GTF2I: variants seen among roughly 807,000 people sequenced by gnomAD.
GTF2I encodes general transcription factor IIi.
In GTF2I, 12 loss-of-function variants were observed where a neutral mutation model predicts 67.6. The ratio of observed to expected loss-of-function variants is 0.18; its 90% CI spans 0.11 to 0.29. The LOEUF is 0.29. GTF2I is among the 10% of genes least tolerant of loss of function. The probability of loss-of-function intolerance (pLI) is 1.00; values close to 1 mark genes in which losing one functional copy is unlikely to be tolerated. For synonymous variants in GTF2I, 149 were observed against 197.0 expected (o/e 0.76, Z 2.04); for missense variants, 271 against 580.1 (o/e 0.47, Z 5.47).
chr7:74,691,828 G>A (rs1354642657), intron 3 of GTF2I, among the ~76,000 whole-genome samples: 1 of 151,694 alleles, frequency 6.6e-6, no homozygotes, highest in Non-Finnish European at 1.5e-5. Flanking sequence ...CTGGGCTGGA[G>A]TGCAATGGCA....
chr7:74,723,568 C>CTA (rs1331136579), intron 12 of GTF2I, among the ~76,000 whole-genome samples: 2 of 150,252 alleles, frequency 1.3e-5, no homozygotes, highest in Non-Finnish European at 3.0e-5. Context: ...GTAGCTGGAA[C>CTA]TACAGGCACA....
intron 6 of GTF2I, 21 bp downstream of exon 6, chr7:74,700,655 C>T (rs1554399653): frequency 6.2e-7 from 1 of 1,611,134 alleles, no homozygotes; most frequent in East Asian, 2.2e-5. Flanking sequence ...GCTTTGCTTC[C>T]TTGATAGCTG....
intron 1 of GTF2I, among the ~76,000 whole-genome samples, chr7:74,686,716 T>G (rs910234476): frequency 6.6e-6 from 1 of 152,126 alleles, no homozygotes; most frequent in African/African-American, 2.4e-5. Context: ...CTTAGTTTTA[T>G]CCAAGAGAAA....
intron 12 of GTF2I, among the ~76,000 whole-genome samples, chr7:74,719,709 C>T (rs1167983867): frequency 1.3e-5 from 2 of 152,120 alleles, no homozygotes; most frequent in Admixed American, 1.3e-4. Flanking sequence ...CACCTGAGGT[C>T]GGGAGCTCAA....
rs1014859211 is a variant in GTF2I, at chr7:74,666,689, C to G, written c.-6+8621C>G. Reference sequence around the variant, plus strand: ...TCTACTAAAAATACAAAAAATTGGCCGGGCACGGTGGCTCACACCTGTAAT... The same window carrying G: ...TCTACTAAAAATACAAAAAATTGGCGGGGCACGGTGGCTCACACCTGTAAT... On this transcript the variant is annotated intron_variant, in intron 1 of 34. Transcript: ENST00000573035. Among the ~76,000 whole-genome samples, 4 of 151,246 alleles carry G rather than the reference C, an allele frequency of 2.6e-5. No individual in the cohort carries two copies. The East Asian group carries it at 7.8e-4, about 29-fold the overall frequency.
At position 74,705,170 on chromosome 7, in the gene GTF2I, G is replaced by A. The variant is rs202085514; in HGVS notation, c.593G>A (p.Arg198His). The A allele has an allele frequency of 3.9e-5, 62 of 1,596,566 alleles. No homozygotes were observed. The highest frequency in any genetic ancestry group is 4.9e-5 in the Non-Finnish European group (57 of 1,165,858). Reference sequence around the variant, plus strand: ...TTTTTTTTTTTGTATGTAGGTGGTCGTGTGATGGTAACAGATGCTGACAGG... The same window carrying A: ...TTTTTTTTTTTGTATGTAGGTGGTCATGTGATGGTAACAGATGCTGACAGG... ...FLEPKKHVGG[R>H]VMVTDADRSI... is the part of the protein sequence containing the mutation. The change falls in exon 7 of 35, where the codon CGT (arginine) becomes CAT (histidine). Residue 198 changes from arginine to histidine, a missense_variant. Around this residue, in one of 9 missense-constraint regions of GTF2I, gnomAD observed 124 missense variants for 147.0 expected, o/e 0.84. Transcript: ENST00000573035.
intron 11 of GTF2I, among the ~76,000 whole-genome samples, chr7:74,717,519 TATC>T (rs1176956115): frequency 1.3e-5 from 2 of 152,176 alleles, no homozygotes; most frequent in Non-Finnish European, 2.9e-5. Flanking sequence ...GAGTTCAACT[TATC>T]ATGTAGGGTG....
chr7:74,702,615 G>A (rs587628829), intron 6 of GTF2I, among the ~76,000 whole-genome samples: 1 of 152,308 alleles, frequency 6.6e-6, no homozygotes, highest in South Asian at 2.1e-4. Context: ...CCCCCACATT[G>A]CTGCCAACTT....
intron 2 of GTF2I, among the ~76,000 whole-genome samples, chr7:74,690,145 G>A (rs2131291035): frequency 6.6e-6 from 1 of 152,122 alleles, no homozygotes. Context: ...AACCCGTGAG[G>A]TGGAGGTTGC....
intron 3 of GTF2I, among the ~76,000 whole-genome samples, chr7:74,696,922 G>C (rs1334251204): frequency 6.6e-6 from 1 of 152,086 alleles, no homozygotes; most frequent in African/African-American, 2.4e-5. Flanking sequence ...AATTCTGAGC[G>C]CTTTTCTGGG....
chr7:74,678,715 G>A (rs1428660433), intron 1 of GTF2I, among the ~76,000 whole-genome samples: 1 of 152,152 alleles, frequency 6.6e-6, no homozygotes, highest in African/African-American at 2.4e-5. Context: ...GTACCTGGAA[G>A]CAGTGTTTTG....
intron 12 of GTF2I, chr7:74,726,769 GGTTGCAGTGA>G (rs1554405734): frequency 6.6e-6 from 1 of 152,104 alleles, no homozygotes; most frequent in Non-Finnish European, 1.5e-5. Context: ...AGGAGCTCGA[GGTTGCAGTGA>G]GCTATAATCA....
chr7:74,710,885 G>C (rs587633007), intron 8 of GTF2I, 147 bp from the exon 9 acceptor site: 8 of 488,038 alleles, frequency 1.6e-5, no homozygotes, highest in African/African-American at 1.4e-4. Flanking sequence ...CTGCTACCTA[G>C]CAAACTTTTG....
intron 8 of GTF2I, 64 bp downstream of exon 8, chr7:74,706,497 T>C (rs1790715119): frequency 8.1e-7 from 1 of 1,228,034 alleles, no homozygotes; most frequent in Non-Finnish European, 1.2e-6. Context: ...AGTGTAGAAG[T>C]TTATAGTTTG....
intron 8 of GTF2I, 110 bp downstream of exon 8, chr7:74,706,543 A>C: frequency 2.5e-6 from 2 of 790,102 alleles, no homozygotes; most frequent in Non-Finnish European, 4.4e-6. Context: ...AGAAAGAGGC[A>C]GTCACTACTA....
chr7:74,703,073 T>G (rs868980822), intron 6 of GTF2I, among the ~76,000 whole-genome samples: 6 of 152,150 alleles, frequency 3.9e-5, no homozygotes, highest in Middle Eastern at 3.2e-3. Context: ...TGGAGAAATA[T>G]CTATTTAGGT....
At chr7:74,715,678 G>A (rs1424115714) in intron 10 of GTF2I, among the ~76,000 whole-genome samples, 3 of 152,024 alleles carry the variant, frequency 2.0e-5, no homozygotes, top group East Asian at 1.9e-4. Context: ...GAAAGGAAGT[G>A]TGTAGAGAAA....
At chr7:74,671,422 C>T (rs1279621392) in intron 1 of GTF2I, among the ~76,000 whole-genome samples, 5 of 151,268 alleles carry the variant, frequency 3.3e-5, no homozygotes, top group African/African-American at 1.2e-4. Context: ...TTCTTTCCTT[C>T]ACCTGGCTTT....
At chr7:74,712,501 TG>T (rs1791706793) in intron 9 of GTF2I, among the ~76,000 whole-genome samples, 2 of 134,008 alleles carry the variant, frequency 1.5e-5, no homozygotes, top group Non-Finnish European at 3.3e-5. Flanking sequence ...TGTGTGTGTG[TG>T]TGTGTGTGTG....
Sources: allele counts gnomAD v4.1 joint callset (sites outside exome capture counted in the v4.1 genomes callset), GRCh38; gene constraint gnomAD v4.1.1; regional missense constraint gnomAD v4.1.1; transcripts MANE v1.5; gene names NCBI Gene and HGNC (gene_info 2026-07-23, HGNC 2026-07-21).